The following TXLNB variants were observed in gnomAD, a reference collection of about 807,000 sequenced individuals.
TXLNB encodes beta-taxilin.
A neutral mutation model predicts 57.4 loss-of-function variants in TXLNB; 37 were observed. The observed-to-expected ratio is 0.64, with a 90% CI of 0.50 to 0.85. The LOEUF is 0.85. TXLNB is among the 40% of genes least tolerant of loss of function. The pLI is 0.00. For synonymous variants in TXLNB, 302 were observed against 309.6 expected, an observed-to-expected ratio of 0.98 and a Z score of 0.26; for missense variants, 848 against 825.6, an observed-to-expected ratio of 1.03 and a Z score of -0.33.
At chr6:139,237,746 C>T (rs1026055739), downstream of TXLNB, among the ~76,000 whole-genome samples, 12 of 151,724 alleles carry the variant, frequency 7.9e-5, no homozygotes, top group African/African-American at 2.4e-4. Context: ...TTTTACACGT[C>T]GGTATGTTTT....
the TXLNB span, among the ~76,000 whole-genome samples, chr6:139,299,746 G>C: frequency 6.6e-6 from 1 of 152,042 alleles, no homozygotes; most frequent in Non-Finnish European, 1.5e-5. Context: ...GACTCAACTT[G>C]GGACCTTGAT....
At chr6:139,267,327 C>T (rs972460095) in intron 4 of TXLNB, among the ~76,000 whole-genome samples, 11 of 151,986 alleles carry the variant, frequency 7.2e-5, no homozygotes, top group African/African-American at 2.4e-4. Flanking sequence ...AAATATAATA[C>T]ATATAATGAT....
the TXLNB span, among the ~76,000 whole-genome samples, chr6:139,229,476 C>T: frequency 6.6e-6 from 1 of 152,118 alleles, no homozygotes; most frequent in East Asian, 1.9e-4. Context: ...GTGCCTGCCA[C>T]CACGCCCGGC....
the TXLNB span, among the ~76,000 whole-genome samples, chr6:139,173,785 T>A: frequency 2.0e-5 from 3 of 152,248 alleles, no homozygotes; most frequent in African/African-American, 7.2e-5. Flanking sequence ...GCTCGGTGAA[T>A]AATAAGACAT....
the TXLNB span, chr6:139,179,499 T>C: frequency 6.6e-6 from 1 of 152,220 alleles, no homozygotes; most frequent in Admixed American, 6.5e-5. Flanking sequence ...TAAAGTTTAC[T>C]CTTGGACATT....
chr6:139,243,009 T>A lies in TXLNB; in HGVS notation c.1572A>T (p.Gln524His). ...TCTCCTGAGAACTGCCTATTTCGGGTTGGGTTTCTTTGGACTGGTGCGGGG... is the reference window on the plus strand; with the variant it reads ...TCTCCTGAGAACTGCCTATTTCGGGATGGGTTTCTTTGGACTGGTGCGGGG... The part of the protein sequence containing the change: ...ESTPHQSKET[Q>H]PEIGSSQESA... Residue 524 changes from glutamine to histidine, a missense_variant, in exon 10 of 10, where the codon CAA becomes CAT. Gln to His is a conservative substitution (Grantham distance 24). Transcript: ENST00000358430. 2 of 1,613,992 alleles carry A rather than the reference T, an allele frequency of 1.2e-6. No individual in the cohort carries two copies. The highest frequency in any genetic ancestry group is 2.2e-5 in the East Asian group (1 of 44,872).
At chr6:139,166,263 C>T in the TXLNB span, 1 of 1,558,534 alleles carries the variant, frequency 6.4e-7, no homozygotes, top group Non-Finnish European at 8.7e-7. Flanking sequence ...GAAATCTGTT[C>T]TCTCTTTATT....
At chr6:139,305,803 T>C in the TXLNB span, among the ~76,000 whole-genome samples, 1 of 152,206 alleles carries the variant, frequency 6.6e-6, no homozygotes, top group Non-Finnish European at 1.5e-5. Flanking sequence ...CATTAGGTCT[T>C]GGGAAAGGAT....
intron 7 of TXLNB, among the ~76,000 whole-genome samples, chr6:139,252,262 C>T (rs1049774425): frequency 1.3e-5 from 2 of 152,200 alleles, no homozygotes; most frequent in African/African-American, 4.8e-5. Flanking sequence ...TGGCCTTGGC[C>T]TCCTGCTACT....
the TXLNB span, among the ~76,000 whole-genome samples, chr6:139,317,813 A>G: frequency 6.6e-6 from 1 of 152,232 alleles, no homozygotes; most frequent in Non-Finnish European, 1.5e-5. Context: ...AGAAATACAA[A>G]TAATCAAAAT....
chr6:139,315,469 A>G, the TXLNB span, among the ~76,000 whole-genome samples: 2 of 152,352 alleles, frequency 1.3e-5, no homozygotes, highest in South Asian at 2.1e-4. Context: ...AAAAGAGAGT[A>G]AGTTATGAGT....
chr6:139,287,833 C>T (rs896970783), intron 2 of TXLNB, among the ~76,000 whole-genome samples: 6 of 152,064 alleles, frequency 3.9e-5, no homozygotes, highest in Non-Finnish European at 5.9e-5. Context: ...TTCCTTTTCC[C>T]GTTTTTGCAC....
At chr6:139,200,813 G>A in the TXLNB span, among the ~76,000 whole-genome samples, 5 of 151,990 alleles carry the variant, frequency 3.3e-5, no homozygotes, top group Non-Finnish European at 7.4e-5. Context: ...TATTTTTCTT[G>A]TTACCCCTTG....
chr6:139,164,804 C>T, the TXLNB span, among the ~76,000 whole-genome samples: 4 of 151,490 alleles, frequency 2.6e-5, no homozygotes, highest in South Asian at 2.1e-4. Context: ...CGCCCCCCAC[C>T]GCTCATACAA....
chr6:139,312,209 GT>G, the TXLNB span, among the ~76,000 whole-genome samples: 1 of 152,184 alleles, frequency 6.6e-6, no homozygotes, highest in African/African-American at 2.4e-5. Context: ...ATGGGTAGGG[GT>G]AGGCTTTCCT....
At chr6:139,316,081 C>T in the TXLNB span, among the ~76,000 whole-genome samples, 1 of 152,050 alleles carries the variant, frequency 6.6e-6, no homozygotes, top group Non-Finnish European at 1.5e-5. Context: ...TAAGAATATA[C>T]AGAGAAGAAT....
the TXLNB span, among the ~76,000 whole-genome samples, chr6:139,323,450 T>G: frequency 7.4e-5 from 11 of 148,720 alleles, no homozygotes; most frequent in Non-Finnish European, 1.5e-4. Context: ...GCCCAGCTAA[T>G]TTTTTGTATT....
intron 8 of TXLNB, 60 bp downstream of exon 8, chr6:139,247,757 G>C (rs1776101310): frequency 8.0e-7 from 1 of 1,254,748 alleles, no homozygotes; most frequent in African/African-American, 1.5e-5. Context: ...GGAAACCAAA[G>C]GAAATTTGCC....
the TXLNB span, among the ~76,000 whole-genome samples, chr6:139,302,609 CAA>C: frequency 9.3e-5 from 11 of 118,106 alleles, no homozygotes; most frequent in African/African-American, 1.8e-4. Context: ...ACTAAAAATA[CAA>C]AAAAAAAAAA....
Sources: gnomAD v4.1 joint callset for allele counts (sites outside exome capture counted in the v4.1 genomes callset) on GRCh38, gnomAD v4.1.1 for gene constraint, MANE v1.5 for transcripts, NCBI Gene and HGNC (gene_info 2026-07-23, HGNC 2026-07-21) for gene names.